SH3RF3: variants seen among roughly 807,000 people sequenced by gnomAD.
SH3RF3 encodes SH3 domain containing ring finger 3, also known as E3 ubiquitin-protein ligase SH3RF3.
Under a neutral mutation model 66.3 loss-of-function variants are expected in SH3RF3, and 29 were observed. That is an observed-to-expected ratio of 0.44 (90% confidence interval 0.33 to 0.60). The LOEUF (loss-of-function observed/expected upper bound fraction) is 0.60, where lower values mean the gene tolerates loss of function less well. Ranked by LOEUF, SH3RF3 falls within the 20% of genes least tolerant of loss-of-function variation. The pLI is 0.04. For synonymous variants in SH3RF3, 583 were observed against 532.0 expected, an observed-to-expected ratio of 1.10 and a Z score of -1.32; for missense variants, 1,194 against 1,190.9, an observed-to-expected ratio of 1.00 and a Z score of -0.04.
intron 1 of SH3RF3, among the ~76,000 whole-genome samples, chr2:109,301,207 G>A (rs2105395623): frequency 1.3e-5 from 2 of 152,274 alleles, no homozygotes; most frequent in South Asian, 4.1e-4. Context: ...CTCTGCGCAG[G>A]CTGATGTCAG....
At chr2:109,376,054 A>ACAGGCTGGG (rs1327003644) in intron 3 of SH3RF3, among the ~76,000 whole-genome samples, 3 of 152,214 alleles carry the variant, frequency 2.0e-5, no homozygotes, top group Non-Finnish European at 4.4e-5. Flanking sequence ...ATAAGAACAC[A>ACAGGCTGGG]CAGGCTGGGC....
intron 1 of SH3RF3, among the ~76,000 whole-genome samples, chr2:109,157,413 G>A (rs749183639): frequency 4.6e-5 from 7 of 152,190 alleles, no homozygotes; most frequent in Non-Finnish European, 1.0e-4. Context: ...AGGTGAATAT[G>A]TGTAATGTTG....
chr2:109,424,695 A>G (rs558322593), intron 5 of SH3RF3, among the ~76,000 whole-genome samples: 2 of 152,336 alleles, frequency 1.3e-5, no homozygotes, highest in South Asian at 2.1e-4. Flanking sequence ...CCATGCCCAC[A>G]TAAGACAGCG....
intron 1 of SH3RF3, among the ~76,000 whole-genome samples, chr2:109,178,795 A>G (rs1342594867): frequency 6.6e-6 from 1 of 152,158 alleles, no homozygotes; most frequent in African/African-American, 2.4e-5. Context: ...TGGCAGCACA[A>G]AATGTTTAAT....
chr2:109,354,524 C>T (rs1400015869), intron 2 of SH3RF3, among the ~76,000 whole-genome samples: 2 of 152,220 alleles, frequency 1.3e-5, no homozygotes, highest in East Asian at 3.9e-4. Context: ...AAATCTTAGG[C>T]ACTGGATGTG....
chr2:109,463,945 G>A (rs751507894), intron 8 of SH3RF3, among the ~76,000 whole-genome samples: 6 of 152,128 alleles, frequency 3.9e-5, no homozygotes, highest in Admixed American at 1.3e-4. Flanking sequence ...AGAGGCACCC[G>A]TACAAAGTGT....
rs778873262 is a variant in SH3RF3, at chr2:109,449,273, C to T, written c.1932C>T (p.Pro644=). The part of the protein sequence containing the change: ...PSRLPATSLR[P]HSVVSPQHSH... ...GCCTGCCTGCCACCAGCCTCAGGCCCCACTCGGTGGTGTCCCCGCAGCACA... is the reference window on the plus strand; with the variant it reads ...GCCTGCCTGCCACCAGCCTCAGGCCTCACTCGGTGGTGTCCCCGCAGCACA... Residue 644 remains proline (P), a synonymous_variant, in exon 8 of 10, where the codon CCC becomes CCT. Transcript: ENST00000309415. The T allele has an allele frequency of 5.6e-6, 9 of 1,611,458 alleles. No homozygotes were observed. In the South Asian group the frequency reaches 8.8e-5, roughly 16 times the overall value.
intron 1 of SH3RF3, among the ~76,000 whole-genome samples, chr2:109,131,042 A>G (rs1676681594): frequency 6.6e-6 from 1 of 152,186 alleles, no homozygotes; most frequent in African/African-American, 2.4e-5. Context: ...TGGAATAATC[A>G]TTTGCTTTAG....
At chr2:109,257,556 C>T (rs1680250880) in intron 1 of SH3RF3, among the ~76,000 whole-genome samples, 1 of 152,050 alleles carries the variant, frequency 6.6e-6, no homozygotes, top group Admixed American at 6.6e-5. Context: ...GGCCCAAGTT[C>T]GTGGTGAGTG....
At chr2:109,294,574 T>G (rs1681262508) in intron 1 of SH3RF3, among the ~76,000 whole-genome samples, 1 of 134,966 alleles carries the variant, frequency 7.4e-6, no homozygotes, top group African/African-American at 2.9e-5. Context: ...AAAAAAAAAT[T>G]AATTAAAAAA....
At chr2:109,417,550 C>G (rs1262240899) in intron 4 of SH3RF3, among the ~76,000 whole-genome samples, 1 of 152,174 alleles carries the variant, frequency 6.6e-6, no homozygotes, top group Non-Finnish European at 1.5e-5. Context: ...GACCCTCAGC[C>G]AGGCACAGGA....
intron 1 of SH3RF3, among the ~76,000 whole-genome samples, chr2:109,165,451 T>C (rs1335661369): frequency 6.6e-6 from 1 of 152,068 alleles, no homozygotes; most frequent in African/African-American, 2.4e-5. Context: ...AAGTTAAGTT[T>C]GGATGGAAGG....
intron 8 of SH3RF3, among the ~76,000 whole-genome samples, chr2:109,470,973 A>C (rs966141478): frequency 7.2e-5 from 11 of 152,190 alleles, no homozygotes; most frequent in Admixed American, 5.9e-4. Context: ...TAATCCCAGC[A>C]CTTTGAGAGG....
intron 8 of SH3RF3, among the ~76,000 whole-genome samples, chr2:109,486,438 C>A (rs551785182): frequency 6.6e-6 from 1 of 152,206 alleles, no homozygotes; most frequent in East Asian, 1.9e-4. Flanking sequence ...ATTTATTTGA[C>A]AAAAATATAT....
At chr2:109,447,164 A>AAAAAAAAAG (rs1677731599) in intron 7 of SH3RF3, among the ~76,000 whole-genome samples, 1 of 149,782 alleles carries the variant, frequency 6.7e-6, no homozygotes, top group Non-Finnish European at 1.5e-5. Flanking sequence ...AAAAAAAAAA[A>AAAAAAAAAG]AAAAGAAAAG....
chr2:109,172,334 C>T lies in SH3RF3; in HGVS notation c.573+42221C>T, dbSNP rs1259900564. On this transcript the variant is annotated intron_variant, in intron 1 of 9. Transcript: ENST00000309415. ...ACCTTGCAAACAGCGTGGAAATGCG[C>T]GAGCCAGCGGTCAAACCCCTCTTCA... Among the ~76,000 whole-genome samples, 6 of 152,370 alleles carry T rather than the reference C, an allele frequency of 3.9e-5. No individual in the cohort carries two copies. In the East Asian group the frequency reaches 9.6e-4, roughly 24 times the overall value.
At position 109,432,552 on chromosome 2, in the gene SH3RF3, G is replaced by C; in HGVS notation, c.1455G>C (p.Leu485=). 1 of 1,613,674 alleles carries C rather than the reference G, an allele frequency of 6.2e-7. No individual in the cohort carries two copies. Among genetic ancestry groups the C allele is most frequent in the Non-Finnish European group, 8.5e-7 (1 of 1,179,788 alleles). The change falls in exon 6 of 10, where the codon CTG becomes CTC. Residue 485 remains leucine (L), a synonymous_variant. Transcript: ENST00000309415. ...CCCAGAAGAGTGACGAGCTGGAGCTGCACAAGGGAGAGATGTACCGGGTCC... is the reference window on the plus strand; with the variant it reads ...CCCAGAAGAGTGACGAGCTGGAGCTCCACAAGGGAGAGATGTACCGGGTCC... ...YKPQKSDELE[L]HKGEMYRVLE...
chr2:109,332,371 A>T (rs1050097563), intron 1 of SH3RF3, among the ~76,000 whole-genome samples: 1 of 151,966 alleles, frequency 6.6e-6, no homozygotes, highest in Non-Finnish European at 1.5e-5. Flanking sequence ...CTTCCTTCTC[A>T]GCCTGTAGCT....
At chr2:109,294,578 TA>T (rs1219847550) in intron 1 of SH3RF3, among the ~76,000 whole-genome samples, 4 of 124,908 alleles carry the variant, frequency 3.2e-5, no homozygotes, top group Admixed American at 8.3e-5. Flanking sequence ...AAAAATTAAT[TA>T]AAAAAAAGGT....
Sources: allele counts gnomAD v4.1 joint callset (sites outside exome capture counted in the v4.1 genomes callset), GRCh38; gene constraint gnomAD v4.1.1; transcripts MANE v1.5; gene names NCBI Gene and HGNC (gene_info 2026-07-23, HGNC 2026-07-21).